The following NDUFA8 variants were observed in gnomAD, a reference collection of about 807,000 sequenced individuals.
NDUFA8 encodes NADH:ubiquinone oxidoreductase subunit A8, also known as NADH dehydrogenase [ubiquinone] 1 alpha subcomplex subunit 8.
Under a neutral mutation model 20.9 loss-of-function variants are expected in NDUFA8, and 16 were observed. The observed-to-expected ratio is 0.77, with a 90% CI of 0.52 to 1.16. The LOEUF is 1.16. Among genes scored for constraint, NDUFA8 ranks in the 50% most tolerant of loss-of-function variants. NDUFA8 has a pLI of 0.00. For synonymous variants in NDUFA8, 70 were observed against 76.1 expected, an observed-to-expected ratio of 0.92 and a Z score of 0.41; for missense variants, 202 against 216.4, an observed-to-expected ratio of 0.93 and a Z score of 0.42.
intron 1 of NDUFA8, among the ~76,000 whole-genome samples, chr9:122,158,104 T>C (rs1829104468): frequency 6.6e-6 from 1 of 152,054 alleles, no homozygotes; most frequent in Non-Finnish European, 1.5e-5. Context: ...AGTGGGCCAA[T>C]ATCGCGCCAC....
At chr9:122,148,996 T>C (rs1042485983) in intron 2 of NDUFA8, among the ~76,000 whole-genome samples, 6 of 151,328 alleles carry the variant, frequency 4.0e-5, no homozygotes, top group African/African-American at 1.2e-4. Flanking sequence ...AAATCCTCCT[T>C]ATCTTATCAT....
In NDUFA8 at chr9:122,159,728, G is replaced by C; in HGVS notation, c.-51C>G. 1 of 1,613,130 alleles carries C rather than the reference G, an allele frequency of 6.2e-7. No individual in the cohort carries two copies. Among genetic ancestry groups the C allele is most frequent in the Non-Finnish European group, 8.5e-7 (1 of 1,179,520 alleles). On this transcript the variant is annotated 5_prime_UTR_variant, in exon 1 of 4. Transcript: ENST00000373768. Reference sequence around the variant, plus strand: ...AGAAGCCCTCAGCCGCGTCGCCCCCGTCTCCTTGAACTCCCCTTTCGACCG... The same window carrying C: ...AGAAGCCCTCAGCCGCGTCGCCCCCCTCTCCTTGAACTCCCCTTTCGACCG...
the NDUFA8 span, among the ~76,000 whole-genome samples, chr9:122,137,367 GGGTAGCTGGGATTACA>G: frequency 6.7e-6 from 1 of 148,868 alleles, no homozygotes; most frequent in African/African-American, 2.5e-5. Context: ...TCAGCCTCTG[GGGTAGCTGGGATTACA>G]GGTGTGCACC....
intron 1 of NDUFA8, among the ~76,000 whole-genome samples, chr9:122,156,441 T>C (rs928333768): frequency 5.3e-5 from 8 of 152,216 alleles, no homozygotes; most frequent in Non-Finnish European, 1.2e-4. Flanking sequence ...AAACAGAGAA[T>C]AGTACTTAAT....
In NDUFA8 at chr9:122,148,229, G is replaced by C; in HGVS notation, c.264C>G (p.Cys88Trp). 1 of 1,614,146 alleles carries C rather than the reference G, an allele frequency of 6.2e-7. No individual in the cohort carries two copies. The highest frequency in any genetic ancestry group is 1.3e-5 in the African/African-American group (1 of 75,032). The part of the protein sequence containing the change: ...CAEPFTEYWT[C>W]IDYTGQQLFR... ...ATAACTGCTGGCCAGTATAATCAAT[G>C]CAAGTCCAATATTCTGTAAAAGGCT... is the stretch of plus-strand genomic sequence containing the variant. The change falls in exon 3 of 4, where the codon TGC becomes TGG. Residue 88 changes from cysteine (C) to tryptophan (W), a missense_variant. Coordinates refer to ENST00000373768, the MANE Select transcript of NDUFA8 (RefSeq NM_014222.3).
At chr9:122,140,551 G>A (rs546401530), downstream of NDUFA8, among the ~76,000 whole-genome samples, 5 of 152,288 alleles carry the variant, frequency 3.3e-5, no homozygotes, top group East Asian at 1.9e-4. Flanking sequence ...GGTAAACTTC[G>A]TGTACAGTTA....
downstream of NDUFA8, among the ~76,000 whole-genome samples, chr9:122,143,726 G>C (rs1447791791): frequency 6.6e-6 from 1 of 152,242 alleles, no homozygotes; most frequent in Non-Finnish European, 1.5e-5. Context: ...CCCATTCCGA[G>C]TCATGCCTCA....
chr9:122,146,619 T>C (rs1828908364), intron 3 of NDUFA8, among the ~76,000 whole-genome samples: 2 of 152,194 alleles, frequency 1.3e-5, no homozygotes, highest in Admixed American at 1.3e-4. Context: ...AGAAGGGAAC[T>C]AGACCGGGTA....
chr9:122,141,093 T>C (rs1288445071), downstream of NDUFA8, among the ~76,000 whole-genome samples: 2 of 152,190 alleles, frequency 1.3e-5, no homozygotes, highest in Non-Finnish European at 2.9e-5. Flanking sequence ...AAGGACTGTT[T>C]CCTGGCAAGG....
At position 122,159,755 on chromosome 9, in the gene NDUFA8, C is replaced by G. The variant is rs1025074079; in HGVS notation, c.-78G>C. 6.2e-7 allele frequency: 1 copy of G among 1,603,710 alleles called. No homozygotes were observed. The highest frequency in any genetic ancestry group is 8.5e-7 in the Non-Finnish European group (1 of 1,171,666). On this transcript the variant is annotated 5_prime_UTR_variant, in exon 1 of 4. Transcript: ENST00000373768. Reference sequence around the variant, plus strand: ...CTCCTTGAACTCCCCTTTCGACCGCCGAGTGCCACACGGCGCCTGCGCATG... The same window carrying G: ...CTCCTTGAACTCCCCTTTCGACCGCGGAGTGCCACACGGCGCCTGCGCATG...
chr9:122,137,393 C>T, the NDUFA8 span, among the ~76,000 whole-genome samples: 2 of 151,954 alleles, frequency 1.3e-5, no homozygotes, highest in East Asian at 3.9e-4. Context: ...AGGTGTGCAC[C>T]ATCACACCCG....
intron 1 of NDUFA8, among the ~76,000 whole-genome samples, chr9:122,158,639 C>T (rs892727631): frequency 6.6e-6 from 1 of 151,468 alleles, no homozygotes; most frequent in Non-Finnish European, 1.5e-5. Flanking sequence ...TTATTTATAA[C>T]GCTACGACCA....
chr9:122,137,447 G>T, the NDUFA8 span, among the ~76,000 whole-genome samples: 1 of 151,846 alleles, frequency 6.6e-6, no homozygotes, highest in East Asian at 1.9e-4. Flanking sequence ...CACCATGTTG[G>T]CCAGGCTAGT....
downstream of NDUFA8, among the ~76,000 whole-genome samples, chr9:122,140,046 G>A (rs1828798766): frequency 6.6e-6 from 1 of 152,090 alleles, no homozygotes; most frequent in Admixed American, 6.6e-5. Context: ...TCAGTATTTC[G>A]GGATCCCCTT....
At chr9:122,152,829 C>A (rs1415762697) in intron 1 of NDUFA8, among the ~76,000 whole-genome samples, 1 of 152,064 alleles carries the variant, frequency 6.6e-6, no homozygotes, top group Non-Finnish European at 1.5e-5. Flanking sequence ...CATTTTAGAG[C>A]AGAAGAAATG....
At chr9:122,145,807 TC>T (rs1016012548) in intron 3 of NDUFA8, among the ~76,000 whole-genome samples, 4 of 152,218 alleles carry the variant, frequency 2.6e-5, no homozygotes, top group African/African-American at 9.6e-5. Flanking sequence ...TTCCTAATGA[TC>T]CACTAGTGGT....
the NDUFA8 span, among the ~76,000 whole-genome samples, chr9:122,134,382 C>T: frequency 1.3e-5 from 2 of 152,096 alleles, no homozygotes; most frequent in African/African-American, 4.8e-5. Flanking sequence ...ATAACCTTTC[C>T]GAGCATCAGC....
chr9:122,155,093 T>G (rs1419604561), intron 1 of NDUFA8, among the ~76,000 whole-genome samples: 2 of 152,190 alleles, frequency 1.3e-5, no homozygotes, highest in East Asian at 3.8e-4. Context: ...TTATTATTAT[T>G]TTTTTGAGAC....
At chr9:122,135,139 C>T in the NDUFA8 span, among the ~76,000 whole-genome samples, 1 of 152,196 alleles carries the variant, frequency 6.6e-6, no homozygotes, top group Non-Finnish European at 1.5e-5. Flanking sequence ...GCCAGCCCCT[C>T]CCTCTTGCCT....
Sources: gnomAD v4.1 joint callset for allele counts (sites outside exome capture counted in the v4.1 genomes callset) on GRCh38, gnomAD v4.1.1 for gene constraint, MANE v1.5 for transcripts, NCBI Gene and HGNC (gene_info 2026-07-23, HGNC 2026-07-21) for gene names.